Variants in SLC38A6 observed in about 807,000 individuals in gnomAD.
SLC38A6 encodes solute carrier family 38 member 6.
A neutral mutation model predicts 65.0 loss-of-function variants in SLC38A6; 73 were observed. That is an observed-to-expected ratio of 1.12 (90% confidence interval 0.93 to 1.37). The LOEUF is 1.37. Ranked by LOEUF, SLC38A6 falls within the 40% of genes most tolerant of loss-of-function variation. SLC38A6 has a pLI of 0.00. For missense variants in SLC38A6, 561 were observed against 531.1 expected, an observed-to-expected ratio of 1.06 and a Z score of -0.55; for synonymous variants, 183 against 178.8, an observed-to-expected ratio of 1.02 and a Z score of -0.19.
chr14:61,076,945 CT>C (rs1208658547), intron 15 of SLC38A6, among the ~76,000 whole-genome samples: 1 of 152,190 alleles, frequency 6.6e-6, no homozygotes. Context: ...TGTTCTGTGA[CT>C]TTCTACAAAC....
rs766587955 is a variant in SLC38A6, at chr14:60,984,818, T to G, written c.310+15T>G. ...TATTCAGACAGGTGAGTAAAAATGT[T>G]ATGCTGCTTCATTTAATAAAGGAGT... On this transcript the variant is annotated intron_variant, in intron 3 of 15. Coordinates refer to ENST00000267488, the MANE Select transcript of SLC38A6 (RefSeq NM_153811.3). 1.6e-5 allele frequency: 25 copies of G among 1,610,792 alleles called. No individual in the cohort carries two copies. In the South Asian group the frequency reaches 2.4e-4, roughly 16 times the overall value.
At chr14:61,031,706 C>T (rs1426343053) in intron 6 of SLC38A6, among the ~76,000 whole-genome samples, 5 of 151,754 alleles carry the variant, frequency 3.3e-5, no homozygotes, top group Admixed American at 6.6e-5. Flanking sequence ...TAAGAAATAG[C>T]TATGTGAAAT....
intron 3 of SLC38A6, among the ~76,000 whole-genome samples, chr14:61,013,092 G>C (rs2039705517): frequency 6.6e-6 from 1 of 152,110 alleles, no homozygotes; most frequent in Non-Finnish European, 1.5e-5. Flanking sequence ...TATATATTTA[G>C]GATAGTTAGC....
At chr14:61,040,990 T>G (rs2139764539) in intron 8 of SLC38A6, among the ~76,000 whole-genome samples, 1 of 151,754 alleles carries the variant, frequency 6.6e-6, no homozygotes, top group South Asian at 2.1e-4. Context: ...AGAATAAGAG[T>G]CTCAAGAGTT....
chr14:61,070,575 A>G (rs1207572147), intron 15 of SLC38A6, among the ~76,000 whole-genome samples: 8 of 152,354 alleles, frequency 5.3e-5, no homozygotes, highest in Admixed American at 4.6e-4. Flanking sequence ...TTAAATATCC[A>G]GAAGTGAGAT....
At chr14:60,989,465 C>G (rs933999826) in intron 3 of SLC38A6, among the ~76,000 whole-genome samples, 2 of 152,010 alleles carry the variant, frequency 1.3e-5, no homozygotes, top group African/African-American at 4.8e-5. Context: ...GTCTCATGCC[C>G]GTAATCCTAG....
intron 3 of SLC38A6, among the ~76,000 whole-genome samples, chr14:60,999,424 A>G (rs1386908109): frequency 2.6e-5 from 4 of 152,262 alleles, no homozygotes; most frequent in Middle Eastern, 3.4e-3. Context: ...TTAAGGCAAA[A>G]AGGTTTTAAA....
intron 15 of SLC38A6, among the ~76,000 whole-genome samples, chr14:61,069,119 C>G (rs900050449): frequency 6.6e-6 from 1 of 152,214 alleles, no homozygotes; most frequent in South Asian, 2.1e-4. Context: ...ATCCAAATCT[C>G]TGAGGGTTAC....
intron 15 of SLC38A6, among the ~76,000 whole-genome samples, chr14:61,074,723 CTTCT>C (rs2043343329): frequency 8.9e-6 from 1 of 112,172 alleles, no homozygotes; most frequent in African/African-American, 3.3e-5. Context: ...TCCTTCCTTC[CTTCT>C]CTTTCTTTTC....
intron 6 of SLC38A6, 91 bp from the exon 7 acceptor site, chr14:61,036,968 G>A: frequency 1.6e-6 from 1 of 631,006 alleles, no homozygotes; most frequent in Non-Finnish European, 2.9e-6. Flanking sequence ...CTCTGTGTGT[G>A]TGTGTGTGTG....
chr14:61,017,844 T>C (rs959632744), intron 4 of SLC38A6, among the ~76,000 whole-genome samples: 6 of 152,240 alleles, frequency 3.9e-5, no homozygotes, highest in Non-Finnish European at 8.8e-5. Context: ...GTTGCTTGTT[T>C]AAATTTTCTC....
intron 3 of SLC38A6, among the ~76,000 whole-genome samples, chr14:61,000,049 G>A (rs1206879247): frequency 6.6e-6 from 1 of 152,210 alleles, no homozygotes; most frequent in African/African-American, 2.4e-5. Flanking sequence ...GTAAATGTTA[G>A]TGATGTGACT....
At chr14:61,043,376 C>T (rs893363846) in intron 9 of SLC38A6, 74 bp from the exon 10 acceptor site, 26 of 1,259,190 alleles carry the variant, frequency 2.1e-5, no homozygotes, top group Admixed American at 4.5e-5. Context: ...ATAATAAATT[C>T]ATCATTTTTA....
At chr14:61,017,990 A>G (rs555210815) in intron 4 of SLC38A6, among the ~76,000 whole-genome samples, 2 of 152,354 alleles carry the variant, frequency 1.3e-5, no homozygotes, top group East Asian at 1.9e-4. Context: ...TTCAATGTCT[A>G]TAAATTGGTA....
chr14:60,983,164 C>G (rs957218232), intron 2 of SLC38A6, among the ~76,000 whole-genome samples: 1 of 152,112 alleles, frequency 6.6e-6, no homozygotes, highest in Non-Finnish European at 1.5e-5. Context: ...TTTCATAGTA[C>G]TTTGTATATT....
chr14:60,999,366 AAAG>A (rs2038538404), intron 3 of SLC38A6, among the ~76,000 whole-genome samples: 2 of 152,230 alleles, frequency 1.3e-5, no homozygotes, highest in Admixed American at 6.5e-5. Flanking sequence ...ATAATGGAAT[AAAG>A]AAGGAGTGAA....
At chr14:61,032,891 T>C (rs1042887797) in intron 6 of SLC38A6, among the ~76,000 whole-genome samples, 1 of 151,946 alleles carries the variant, frequency 6.6e-6, no homozygotes, top group African/African-American at 2.4e-5. Context: ...ATTAAGATCT[T>C]TCAGGTATGC....
At chr14:60,993,411 C>T (rs1196411750) in intron 3 of SLC38A6, among the ~76,000 whole-genome samples, 8 of 152,116 alleles carry the variant, frequency 5.3e-5, no homozygotes, top group Non-Finnish European at 1.0e-4. Flanking sequence ...AACCTGGAAG[C>T]TTATTTTCTG....
At chr14:61,048,818 G>A (rs1298864509) in intron 12 of SLC38A6, among the ~76,000 whole-genome samples, 1 of 152,040 alleles carries the variant, frequency 6.6e-6, no homozygotes, top group Non-Finnish European at 1.5e-5. Context: ...ATAATAACCA[G>A]GCCATTTAAA....
Sources: allele counts gnomAD v4.1 joint callset (sites outside exome capture counted in the v4.1 genomes callset), GRCh38; gene constraint gnomAD v4.1.1; transcripts MANE v1.5; gene names NCBI Gene and HGNC (gene_info 2026-07-23, HGNC 2026-07-21).